CD300LD: variants seen among roughly 807,000 people sequenced by gnomAD.
CD300LD encodes CMRF35-like molecule 5.
Under a neutral mutation model 20.3 loss-of-function variants are expected in CD300LD, and 18 were observed. That is an observed-to-expected ratio of 0.89 (90% CI 0.61 to 1.32). The LOEUF (loss-of-function observed/expected upper bound fraction) is 1.32, where lower values mean the gene tolerates loss of function less well. Among genes scored for constraint, CD300LD ranks in the 40% most tolerant of loss-of-function variants. The pLI is 0.00. For missense variants in CD300LD, 195 were observed against 226.6 expected (o/e 0.86, Z 0.90); for synonymous variants, 104 against 90.1 (o/e 1.15, Z -0.87).
At chr17:74,581,119 C>T (rs908419457) in intron 3 of CD300LD, among the ~76,000 whole-genome samples, 1 of 151,664 alleles carries the variant, frequency 6.6e-6, no homozygotes, top group African/African-American at 2.4e-5. Flanking sequence ...CCCTCTGTCC[C>T]CTGACAGCTA....
chr17:74,587,546 ATTAC>A (rs1422707547), intron 2 of CD300LD, among the ~76,000 whole-genome samples: 3 of 151,932 alleles, frequency 2.0e-5, no homozygotes, highest in African/African-American at 7.3e-5. Flanking sequence ...ATTTTTCCCT[ATTAC>A]TTTTGTTTTC....
In CD300LD at chr17:74,582,348, A is replaced by G. The variant is rs2030056153; in HGVS notation, c.380-37T>C. Reference sequence around the variant, plus strand: ...AAGCAGAACACGGTTCACCCCTTCCATGGATGGCCCAGCTCTGGCTGTGGC... The same window carrying G: ...AAGCAGAACACGGTTCACCCCTTCCGTGGATGGCCCAGCTCTGGCTGTGGC... On this transcript the variant is annotated intron_variant, in intron 2 of 3. Transcript: ENST00000375352. 1.9e-6 allele frequency: 3 copies of G among 1,572,996 alleles called. 1 individual carries two copies. Among genetic ancestry groups the G allele is most frequent in the South Asian group, 1.1e-5 (1 of 88,890 alleles).
chr17:74,579,271 T>C (rs1318734426), downstream of CD300LD: 3 of 152,216 alleles, frequency 2.0e-5, no homozygotes, highest in African/African-American at 7.2e-5. Context: ...GGGTTTAGGA[T>C]TTTGAAACCC....
chr17:74,584,733 CTCTTTG>C (rs1176050311), intron 2 of CD300LD: 1 of 152,676 alleles, frequency 6.5e-6, no homozygotes, highest in African/African-American at 2.4e-5. Context: ...CAAAACAGAT[CTCTTTG>C]TCTTTGTCTT....
At chr17:74,589,915 G>A (rs1242607486) in intron 1 of CD300LD, among the ~76,000 whole-genome samples, 6 of 152,358 alleles carry the variant, frequency 3.9e-5, no homozygotes, top group Admixed American at 1.3e-4. Context: ...ACCCAAGGTC[G>A]TGGGTAAGAG....
Position 74,580,120 on chromosome 17 carries a change from G to C in CD300LD, c.474-7C>G. The stretch of plus-strand genomic sequence containing the variant: ...GGTGCTCTTGAGCGGGGACCTGTGG[G>C]AACACGGTGACAGGAAATGAGCTGC... On this transcript the variant is annotated splice_region_variant and splice_polypyrimidine_tract_variant and intron_variant, in intron 3 of 3. Transcript: ENST00000375352. The C allele has an allele frequency of 1.3e-6, 2 of 1,589,824 alleles. No homozygotes were observed. The highest frequency in any genetic ancestry group is 1.7e-6 in the Non-Finnish European group (2 of 1,162,398).
rs148102075 is a variant in CD300LD at position 74,580,113 on chromosome 17, C to T, written c.474G>A (p.Arg158=). ...GGAAGTGGGTGCTCTTGAGCGGGGA[C>T]CTGTGGGAACACGGTGACAGGAAAT... ...ATQKTSSPLT[R]SPLKSTHFLF... Residue 158 remains arginine, a splice_region_variant and synonymous_variant, in exon 4 of 4, where the codon AGG becomes AGA. Transcript: ENST00000375352. The T allele has an allele frequency of 1.9e-6, 3 of 1,603,330 alleles. No homozygotes were observed. The highest frequency in any genetic ancestry group is 1.7e-5 in the Admixed American group (1 of 59,030).
chr17:74,582,061 G>A (rs1443930179), intron 3 of CD300LD, among the ~76,000 whole-genome samples, 157 bp downstream of exon 3: 1 of 152,258 alleles, frequency 6.6e-6, no homozygotes, highest in Non-Finnish European at 1.5e-5. Flanking sequence ...TATAGCCCAT[G>A]AAATAGTTGG....
chr17:74,591,814 G>T (rs578979), intron 1 of CD300LD, among the ~76,000 whole-genome samples: 101,129 of 137,358 alleles, frequency 0.74, 35,949 homozygotes, highest in African/African-American at 0.84. Context: ...CGAGACACCA[G>T]CTCAAAAAAA....
At chr17:74,587,235 A>C (rs1451536420) in intron 2 of CD300LD, among the ~76,000 whole-genome samples, 1 of 152,326 alleles carries the variant, frequency 6.6e-6, no homozygotes, top group Non-Finnish European at 1.5e-5. Context: ...AAGATGGCAA[A>C]TGACAAATTC....
chr17:74,582,664 G>A (rs996018370), intron 2 of CD300LD, among the ~76,000 whole-genome samples: 6 of 152,290 alleles, frequency 3.9e-5, no homozygotes, highest in East Asian at 1.9e-4. Context: ...GTGATTCGGC[G>A]GCTGAGCTGG....
intron 3 of CD300LD, among the ~76,000 whole-genome samples, chr17:74,581,111 C>T (rs1381872727): frequency 6.6e-6 from 1 of 151,762 alleles, no homozygotes; most frequent in African/African-American, 2.4e-5. Flanking sequence ...GTCCTTTGCC[C>T]TCTGTCCCCT....
rs781637186 is a variant in CD300LD at position 74,580,126 on chromosome 17, G to T, written c.474-13C>A. On this transcript the variant is annotated splice_polypyrimidine_tract_variant and intron_variant, in intron 3 of 3. Transcript: ENST00000375352. The stretch of plus-strand genomic sequence containing the variant: ...CTTGAGCGGGGACCTGTGGGAACAC[G>T]GTGACAGGAAATGAGCTGCCTCCTG... 4 of 1,575,168 alleles carry T rather than the reference G, an allele frequency of 2.5e-6. No homozygotes were observed. The East Asian group carries it at 9.1e-5, about 36-fold the overall frequency.
At chr17:74,582,624 C>T (rs948910600) in intron 2 of CD300LD, among the ~76,000 whole-genome samples, 2 of 152,236 alleles carry the variant, frequency 1.3e-5, no homozygotes, top group Non-Finnish European at 2.9e-5. Flanking sequence ...CGGCCACAGC[C>T]GAGGTGAACT....
downstream of CD300LD, chr17:74,579,305 C>T (rs2029981085): frequency 6.6e-6 from 1 of 152,136 alleles, no homozygotes; most frequent in South Asian, 2.1e-4. Flanking sequence ...GACTTGAACC[C>T]CACGGAATGC....
intron 2 of CD300LD, among the ~76,000 whole-genome samples, chr17:74,582,673 G>C (rs1391435632): frequency 6.6e-6 from 1 of 152,206 alleles, no homozygotes; most frequent in Non-Finnish European, 1.5e-5. Flanking sequence ...CGGCTGAGCT[G>C]GTGGCCCCCT....
chr17:74,590,040 A>G (rs1348141480), intron 1 of CD300LD, among the ~76,000 whole-genome samples: 1 of 152,112 alleles, frequency 6.6e-6, no homozygotes, highest in Non-Finnish European at 1.5e-5. Context: ...TCCTCACCCA[A>G]ATCTCATCTT....
At chr17:74,580,943 T>G (rs976374357) in intron 3 of CD300LD, among the ~76,000 whole-genome samples, 7 of 150,486 alleles carry the variant, frequency 4.7e-5, no homozygotes, top group Non-Finnish European at 7.4e-5. Flanking sequence ...TTCAAAATTA[T>G]ATCCAACTCC....
In CD300LD at chr17:74,580,038, G is replaced by T; in HGVS notation, c.549C>A (p.Thr183=). The change falls in exon 4 of 4, where the codon ACC becomes ACA. Residue 183 remains threonine (T), a synonymous_variant. Coordinates refer to ENST00000375352, the MANE Select transcript of CD300LD (RefSeq NM_001115152.2). The part of the protein sequence containing the change: ...ELPLLLSMLG[T]VLWVNRPQRR... ...TTTGTGGTCTGTTTACCCAGAGGAC[G>T]GTCCCCAGCATGCTCAGGAGCAGAG... The T allele has an allele frequency of 1.2e-6, 2 of 1,613,242 alleles. No individual in the cohort carries two copies. Among genetic ancestry groups the T allele is most frequent in the Non-Finnish European group, 1.7e-6 (2 of 1,179,578 alleles).
Sources: allele counts gnomAD v4.1 joint callset (sites outside exome capture counted in the v4.1 genomes callset), GRCh38; gene constraint gnomAD v4.1.1; transcripts MANE v1.5; gene names NCBI Gene and HGNC (gene_info 2026-07-23, HGNC 2026-07-21).